FEZ1: variants seen among roughly 807,000 people sequenced by gnomAD.
FEZ1 encodes the protein fasciculation and elongation protein zeta-1.
FEZ1 carries 20 observed loss-of-function variants against 49.3 expected under a neutral mutation model. The observed-to-expected ratio is 0.41, with a 90% CI of 0.29 to 0.59. The LOEUF (loss-of-function observed/expected upper bound fraction) is 0.59. Among genes scored for constraint, FEZ1 ranks in the 20% least tolerant of loss-of-function variants. The pLI, the probability that FEZ1 is intolerant of heterozygous loss-of-function variation, is 0.36. For synonymous variants in FEZ1, 170 were observed against 180.9 expected (o/e 0.94, Z 0.48); for missense variants, 413 against 476.0 (o/e 0.87, Z 1.23).
At position 125,443,795 on chromosome 11, in the gene FEZ1, C is replaced by T. The variant is rs892368525; in HGVS notation, c.*2300G>A. ...GAGGAGCCACTGTTTTCAGCCTGCC[C>T]TGCTCACCTCCTCCTAGCCAGAGTG... On this transcript the variant is annotated 3_prime_UTR_variant, in exon 10 of 10. Coordinates refer to ENST00000278919, the MANE Select transcript of FEZ1 (RefSeq NM_005103.5). 6.6e-6 allele frequency among the ~76,000 whole-genome samples: 1 copy of T among 152,170 alleles called. No homozygotes were observed. Among genetic ancestry groups the T allele is most frequent in the African/African-American group, 2.4e-5 (1 of 41,440 alleles).
At chr11:125,482,065 CAG>C (rs1957285677) in intron 2 of FEZ1, among the ~76,000 whole-genome samples, 1 of 151,888 alleles carries the variant, frequency 6.6e-6, no homozygotes, top group East Asian at 1.9e-4. Flanking sequence ...GAGAGGAACA[CAG>C]AGAAAGAGAG....
intron 8 of FEZ1, 116 bp downstream of exon 8, chr11:125,452,218 T>C (rs1956964104): frequency 1.4e-6 from 1 of 726,054 alleles, no homozygotes; most frequent in African/African-American, 1.7e-5. Context: ...GGAGGGTATT[T>C]TGGCCCATGT....
At chr11:125,469,786 A>G (rs943418159) in intron 3 of FEZ1, among the ~76,000 whole-genome samples, 2 of 148,806 alleles carry the variant, frequency 1.3e-5, no homozygotes, top group African/African-American at 2.5e-5. Context: ...TGTGTTGGCC[A>G]GGCTGGTATT....
chr11:125,491,833 C>A (rs778658825), intron 1 of FEZ1, among the ~76,000 whole-genome samples: 41 of 152,154 alleles, frequency 2.7e-4, no homozygotes, highest in Non-Finnish European at 5.1e-4. Flanking sequence ...ATGATAGGAC[C>A]TTTGAATACA....
At chr11:125,482,933 G>T (rs1957295975) in intron 2 of FEZ1, among the ~76,000 whole-genome samples, 1 of 117,638 alleles carries the variant, frequency 8.5e-6, no homozygotes, top group Non-Finnish European at 1.6e-5. Flanking sequence ...AGCCATGATT[G>T]TGTCACTGCT....
At chr11:125,458,440 A>T (rs1470657012) in intron 5 of FEZ1, among the ~76,000 whole-genome samples, 2 of 152,200 alleles carry the variant, frequency 1.3e-5, no homozygotes, top group African/African-American at 2.4e-5. Context: ...TCAGAGAGTT[A>T]AGAGGATGGC....
In FEZ1 at chr11:125,472,687, TAG is replaced by T. The variant is rs770890641; in HGVS notation, c.411+8845_411+8846del. ...TACAAATTCTTTCACAAAGTAGAGA[TAG>T]AGAGGATAATTTCCAACTTATTTTA... On this transcript the variant is annotated intron_variant, in intron 3 of 9. Coordinates refer to ENST00000278919, the MANE Select transcript of FEZ1 (RefSeq NM_005103.5). 4.6e-5 allele frequency among the ~76,000 whole-genome samples: 7 copies of T among 152,140 alleles called. No homozygotes were observed. The South Asian group carries it at 1.5e-3, about 32-fold the overall frequency.
Position 125,489,685 on chromosome 11 carries a change from A to T in FEZ1, c.93T>A (p.Tyr31Ter). 1 of 1,613,902 alleles carries T rather than the reference A, an allele frequency of 6.2e-7. No individual in the cohort carries two copies. The highest frequency in any genetic ancestry group is 8.5e-7 in the Non-Finnish European group (1 of 1,179,866). ...EDPEEKPQCF[Y>*]GSSPHHLEDP... ...CCTCGAGATGGTGGGGAGATGAACC[A>T]TAGAAACACTGGGGCTTCTCCTCCG... Residue 31 changes from tyrosine to a stop codon, truncating the protein, a stop_gained, in exon 2 of 10, where the codon TAT (tyrosine) becomes TAA (stop). Transcript: ENST00000278919. LOFTEE classifies it high-confidence loss of function. This position sits in a 1 kb window ranked among gnomAD's most constrained non-coding sequence, Gnocchi z 4.2.
intron 4 of FEZ1, chr11:125,463,243 T>G (rs1309171627): frequency 4.1e-6 from 1 of 242,112 alleles, no homozygotes; most frequent in Non-Finnish European, 7.8e-6. Flanking sequence ...GAGGCAGAGG[T>G]TGCAATGAGC....
intron 3 of FEZ1, among the ~76,000 whole-genome samples, chr11:125,467,991 A>G (rs907806755): frequency 6.6e-6 from 1 of 152,214 alleles, no homozygotes; most frequent in African/African-American, 2.4e-5. Flanking sequence ...CGAAAGCCCC[A>G]GTAAAAGTGG....
chr11:125,443,695 G>C lies in FEZ1; in HGVS notation c.*2400C>G, dbSNP rs2135729483. Among the ~76,000 whole-genome samples the C allele has an allele frequency of 6.6e-6, 1 of 152,260 alleles. No homozygotes were observed. The highest frequency in any genetic ancestry group is 1.9e-4 in the East Asian group (1 of 5,178). On this transcript the variant is annotated 3_prime_UTR_variant, in exon 10 of 10. Transcript: ENST00000278919. Reference sequence around the variant, plus strand: ...TTTGAATAGGAAGAACACAGGGAAGGGCAATGCAAAACCATGAGGAATTGA... The same window carrying C: ...TTTGAATAGGAAGAACACAGGGAAGCGCAATGCAAAACCATGAGGAATTGA...
In FEZ1 at chr11:125,463,669, C is replaced by G. The variant is rs1487054338; in HGVS notation, c.412-99G>C. 4.0e-6 allele frequency: 3 copies of G among 741,396 alleles called. No individual in the cohort carries two copies. The African/African-American group carries it at 5.2e-5, about 13-fold the overall frequency. The allele number at this position is 741,396 out of a possible 1,614,324, so 45.9% of individuals were successfully genotyped here. ...GGATGATACTGACTGGGAGGCCACT[C>G]CAGCCAGCTGCTGTCTAAACAGTGG... On this transcript the variant is annotated intron_variant, in intron 3 of 9. Coordinates refer to ENST00000278919, the MANE Select transcript of FEZ1 (RefSeq NM_005103.5).
rs775609934 is a variant in FEZ1, at chr11:125,448,581, CAGAG to C, written c.1097-18_1097-15del. On this transcript the variant is annotated splice_polypyrimidine_tract_variant and intron_variant, in intron 8 of 9. Transcript: ENST00000278919. Reference sequence around the variant, plus strand: ...TGGCAAAGAGAACTAGGAAAGGAGACAGAGAGAGGAACTAAGATACCATCTGGTC... The same window carrying C: ...TGGCAAAGAGAACTAGGAAAGGAGACAGAGGAACTAAGATACCATCTGGTC... The C allele has an allele frequency of 1.9e-6, 3 of 1,582,534 alleles. No homozygotes were observed. The Admixed American group carries it at 5.0e-5, about 26-fold the overall frequency.
chr11:125,453,370 C>T (rs954363263), intron 7 of FEZ1: 3 of 152,144 alleles, frequency 2.0e-5, no homozygotes, highest in African/African-American at 7.2e-5. Context: ...GGACTGGGAT[C>T]GATGCTGCTA....
At chr11:125,482,570 T>C (rs1451874593) in intron 2 of FEZ1, among the ~76,000 whole-genome samples, 1 of 151,982 alleles carries the variant, frequency 6.6e-6, no homozygotes, top group Non-Finnish European at 1.5e-5. Context: ...CAAACACACA[T>C]CAGGAAGATA....
chr11:125,494,021 G>A (rs766381542), intron 1 of FEZ1, among the ~76,000 whole-genome samples: 3 of 152,208 alleles, frequency 2.0e-5, no homozygotes, highest in Non-Finnish European at 2.9e-5. Flanking sequence ...TATAAAAGAC[G>A]AAATGAATAT....
At position 125,456,193 on chromosome 11, in the gene FEZ1, T is replaced by C. The variant is rs1957009720; in HGVS notation, c.668-87A>G. 4 of 1,279,798 alleles carry C rather than the reference T, an allele frequency of 3.1e-6. No individual in the cohort carries two copies. In the East Asian group the frequency reaches 7.0e-5, roughly 22 times the overall value. 79.3% of individuals were successfully genotyped at this position (1,279,798 alleles called of 1,614,324 possible). A position where few individuals can be genotyped will look rare whatever the true frequency, so the allele number is the denominator to read the frequency against. ...CTCCTGGGGCCACCACCAATCAAGA[T>C]GGGACTGCCCCTCAGAGGAGATCCC... On this transcript the variant is annotated intron_variant, in intron 5 of 9. Coordinates refer to ENST00000278919, the MANE Select transcript of FEZ1 (RefSeq NM_005103.5).
intron 3 of FEZ1, among the ~76,000 whole-genome samples, chr11:125,464,756 A>G (rs1957110225): frequency 6.6e-6 from 1 of 152,236 alleles, no homozygotes; most frequent in Non-Finnish European, 1.5e-5. Context: ...AATATATCTC[A>G]AATGCCATCC....
At position 125,446,093 on chromosome 11, in the gene FEZ1, G is replaced by A; in HGVS notation, c.*2C>T. 2 of 1,614,012 alleles carry A rather than the reference G, an allele frequency of 1.2e-6. No homozygotes were observed. The highest frequency in any genetic ancestry group is 1.1e-5 in the South Asian group (1 of 91,070). ...GCAGCGAGGCTGCTCCAAAGGGCAA[G>A]GTTAGGTAGGGCAGAGCACTGCAAC... On this transcript the variant is annotated 3_prime_UTR_variant, in exon 10 of 10. Transcript: ENST00000278919.
Sources: allele counts gnomAD v4.1 joint callset (sites outside exome capture counted in the v4.1 genomes callset), GRCh38; gene constraint gnomAD v4.1.1; non-coding constraint Gnocchi (gnomAD v3.1); transcripts MANE v1.5; gene names NCBI Gene and HGNC (gene_info 2026-07-23, HGNC 2026-07-21).